Variants in GRB10 observed in about 807,000 individuals in gnomAD.
GRB10 encodes growth factor receptor bound protein 10, also known as growth factor receptor-bound protein 10.
A neutral mutation model predicts 80.9 loss-of-function variants in GRB10; 20 were observed. The observed-to-expected ratio is 0.25, with a 90% CI of 0.17 to 0.36. GRB10 has a LOEUF of 0.36. GRB10 is among the 10% of genes least tolerant of loss of function. The pLI, the probability that GRB10 is intolerant of heterozygous loss-of-function variation, is 1.00. For synonymous variants in GRB10, 291 were observed against 291.5 expected, an observed-to-expected ratio of 1.00 and a Z score of 0.02; for missense variants, 548 against 747.7, an observed-to-expected ratio of 0.73 and a Z score of 3.12.
intron 7 of GRB10, among the ~76,000 whole-genome samples, chr7:50,642,561 C>A (rs1339801686): frequency 1.3e-5 from 2 of 151,976 alleles, no homozygotes; most frequent in Non-Finnish European, 2.9e-5. Context: ...ATCCAAAAAA[C>A]TCTAAAATCT....
At chr7:50,686,095 A>G (rs989098860) in intron 5 of GRB10, among the ~76,000 whole-genome samples, 3 of 152,168 alleles carry the variant, frequency 2.0e-5, no homozygotes, top group Admixed American at 1.3e-4. Flanking sequence ...TAGGGTCTGA[A>G]TATCTGTGTT....
intron 1 of GRB10, chr7:50,792,503 CAGCAA>C: frequency 2.5e-6 from 1 of 398,640 alleles, no homozygotes; most frequent in Middle Eastern, 6.3e-4. Flanking sequence ...GAGAGGCAAT[CAGCAA>C]AGGCGAAGAG....
intron 4 of GRB10, among the ~76,000 whole-genome samples, chr7:50,710,716 C>T (rs2065760749): frequency 6.6e-6 from 1 of 152,190 alleles, no homozygotes; most frequent in Non-Finnish European, 1.5e-5. Context: ...AGTCTTGGGA[C>T]TCAGGGCAAC....
intron 3 of GRB10, among the ~76,000 whole-genome samples, chr7:50,753,149 C>A (rs1426634599): frequency 6.6e-6 from 1 of 152,194 alleles, no homozygotes; most frequent in Non-Finnish European, 1.5e-5. Context: ...CCACCTCAGG[C>A]CCCACCACAT....
At chr7:50,757,797 C>A (rs1427528197) in intron 2 of GRB10, among the ~76,000 whole-genome samples, 1 of 152,164 alleles carries the variant, frequency 6.6e-6, no homozygotes, top group African/African-American at 2.4e-5. Context: ...ATTCTCATAT[C>A]CTGATGTGTG....
chr7:50,791,127 CCAAA>C (rs1223748275), intron 1 of GRB10, among the ~76,000 whole-genome samples: 2 of 152,170 alleles, frequency 1.3e-5, no homozygotes, highest in African/African-American at 4.8e-5. Context: ...CCAAAAGTGA[CCAAA>C]CAGATAATAT....
intron 4 of GRB10, among the ~76,000 whole-genome samples, chr7:50,706,895 G>A (rs2065112575): frequency 1.3e-5 from 2 of 152,206 alleles, no homozygotes; most frequent in African/African-American, 2.4e-5. Context: ...ACCCATCCCT[G>A]GTGGCCCGCT....
intron 4 of GRB10, among the ~76,000 whole-genome samples, chr7:50,708,967 C>T (rs1044723308): frequency 6.6e-6 from 1 of 152,172 alleles, no homozygotes; most frequent in African/African-American, 2.4e-5. Flanking sequence ...AGCCACAGTA[C>T]CCAGCTGTGA....
intron 2 of GRB10, among the ~76,000 whole-genome samples, chr7:50,775,252 C>T (rs1184909119): frequency 1.4e-5 from 2 of 145,956 alleles, no homozygotes; most frequent in African/African-American, 5.0e-5. Context: ...AAAGAGGTAA[C>T]ATTTCCCAAC....
At chr7:50,601,384 CA>C (rs2047567207) in intron 17 of GRB10, among the ~76,000 whole-genome samples, 1 of 152,154 alleles carries the variant, frequency 6.6e-6, no homozygotes, top group Non-Finnish European at 1.5e-5. Context: ...GATCCACTTG[CA>C]AACACTAAAG....
At chr7:50,670,731 A>T (rs528110323) in intron 6 of GRB10, among the ~76,000 whole-genome samples, 4 of 152,334 alleles carry the variant, frequency 2.6e-5, no homozygotes, top group Admixed American at 6.5e-5. Flanking sequence ...TAATCTAATC[A>T]AATGAAAATA....
chr7:50,705,480 TAAAA>T (rs1342163936), intron 4 of GRB10, among the ~76,000 whole-genome samples: 1 of 152,178 alleles, frequency 6.6e-6, no homozygotes, highest in Non-Finnish European at 1.5e-5. Flanking sequence ...TTTTGTATGC[TAAAA>T]AATGAACAAA....
At chr7:50,613,355 A>G (rs1055340272) in intron 12 of GRB10, among the ~76,000 whole-genome samples, 3 of 151,968 alleles carry the variant, frequency 2.0e-5, no homozygotes, top group Admixed American at 2.0e-4. Context: ...CCAAGATCAG[A>G]CCCCAAGTAG....
intron 5 of GRB10, among the ~76,000 whole-genome samples, chr7:50,689,058 C>G (rs1188061740): frequency 6.6e-6 from 1 of 152,182 alleles, no homozygotes; most frequent in Non-Finnish European, 1.5e-5. Flanking sequence ...TCCGAAACCA[C>G]TCCCTGCTTC....
intron 7 of GRB10, among the ~76,000 whole-genome samples, chr7:50,656,300 C>A (rs761116400): frequency 6.6e-6 from 1 of 152,176 alleles, no homozygotes; most frequent in South Asian, 2.1e-4. Context: ...CGTCCCAGGG[C>A]GATCCTGTGG....
chr7:50,766,373 C>T (rs2076339153), intron 2 of GRB10, among the ~76,000 whole-genome samples: 1 of 152,154 alleles, frequency 6.6e-6, no homozygotes, highest in Non-Finnish European at 1.5e-5. Flanking sequence ...TCTATACAGG[C>T]AGCTTCTGGA....
intron 2 of GRB10, among the ~76,000 whole-genome samples, chr7:50,778,790 G>A (rs2077970053): frequency 6.6e-6 from 1 of 152,202 alleles, no homozygotes; most frequent in Non-Finnish European, 1.5e-5. Context: ...ACTGAGCAAG[G>A]ACCTTGGAAG....
At chr7:50,783,642 A>G (rs1027834794), upstream of GRB10, among the ~76,000 whole-genome samples, 5 of 152,332 alleles carry the variant, frequency 3.3e-5, no homozygotes, top group Middle Eastern at 3.4e-3. Flanking sequence ...GCCGTTTACA[A>G]GGCCACAGTA....
upstream of GRB10, among the ~76,000 whole-genome samples, chr7:50,784,091 C>G (rs939684718): frequency 1.3e-5 from 2 of 152,194 alleles, no homozygotes; most frequent in African/African-American, 2.4e-5. Context: ...TTCTCACAGT[C>G]CGGGCTGACC....
Sources: gnomAD v4.1 joint callset for allele counts (sites outside exome capture counted in the v4.1 genomes callset) on GRCh38, gnomAD v4.1.1 for gene constraint, MANE v1.5 for transcripts, NCBI Gene and HGNC (gene_info 2026-07-23, HGNC 2026-07-21) for gene names.